CD47: variants seen among roughly 807,000 people sequenced by gnomAD.
The protein encoded by CD47 is leukocyte surface antigen CD47.
A neutral mutation model predicts 44.6 loss-of-function variants in CD47; 11 were observed. The observed-to-expected ratio is 0.25, with a 90% confidence interval of 0.16 to 0.41. CD47 has a LOEUF of 0.41. Among genes scored for constraint, CD47 ranks in the 10% least tolerant of loss-of-function variants. The pLI is 1.00. For missense variants in CD47, 306 were observed against 386.7 expected, an observed-to-expected ratio of 0.79 and a Z score of 1.75; for synonymous variants, 140 against 136.3, an observed-to-expected ratio of 1.03 and a Z score of -0.19.
intron 1 of CD47, among the ~76,000 whole-genome samples, chr3:108,083,556 A>G (rs1206080037): frequency 6.6e-6 from 1 of 152,044 alleles, no homozygotes. Flanking sequence ...CAAGGTTACA[A>G]GTGTTATCTT....
Position 108,052,088 on chromosome 3 carries a change from T to G in CD47, c.878-118A>C, listed in dbSNP as rs893825228. On this transcript the variant is annotated intron_variant, in intron 7 of 10. Transcript: ENST00000361309. ...CTAAAACTAAAGGTGCCAGAGATGT[T>G]AATGAAAGAGTTCCAGCTCTGACAG... 2.3e-5 allele frequency: 13 copies of G among 569,814 alleles called. No homozygotes were observed. The African/African-American group carries it at 2.5e-4, about 11-fold the overall frequency. The allele number at this position is 569,814 out of a possible 1,614,324, so 35.3% of individuals were successfully genotyped here.
chr3:108,079,567 T>TAAAA lies in CD47; in HGVS notation c.400+420_400+423dup, dbSNP rs71629342. ...TCATCCCTTGGTCAAAGTGTAAGGT[T>TAAAA]AAAAAAAAAAAAAAAAAAAAAAAAA... is the stretch of plus-strand genomic sequence containing the variant. On this transcript the variant is annotated intron_variant, in intron 2 of 10. Transcript: ENST00000361309. 0.026 allele frequency among the ~76,000 whole-genome samples: 1,386 copies of TAAAA among 52,952 alleles called. 168 individuals carry two copies. The East Asian group carries it at 0.3, about 12-fold the overall frequency. 34.7% of individuals were successfully genotyped at this position (52,952 alleles called of 152,430 possible).
intron 2 of CD47, among the ~76,000 whole-genome samples, chr3:108,074,229 C>T (rs1230732604): frequency 1.3e-5 from 2 of 152,138 alleles, no homozygotes; most frequent in Non-Finnish European, 2.9e-5. Context: ...CTTGATGACT[C>T]CCAGATTCTA....
At chr3:108,083,971 C>T (rs2079467952) in intron 1 of CD47, among the ~76,000 whole-genome samples, 1 of 151,578 alleles carries the variant, frequency 6.6e-6, no homozygotes, top group Admixed American at 6.6e-5. Context: ...TGCCTCCATA[C>T]CCATCAGTCT....
At chr3:108,073,218 T>A (rs1322211401) in intron 2 of CD47, among the ~76,000 whole-genome samples, 6 of 151,992 alleles carry the variant, frequency 3.9e-5, no homozygotes, top group Admixed American at 2.0e-4. Flanking sequence ...GTTCTTTCAT[T>A]GGTCCCTGCC....
chr3:108,067,742 T>G (rs1420734153), intron 3 of CD47, among the ~76,000 whole-genome samples: 4 of 152,198 alleles, frequency 2.6e-5, no homozygotes, highest in Non-Finnish European at 5.9e-5. Flanking sequence ...TTAGGAACAT[T>G]TCCCTGTAAG....
At chr3:108,049,580 T>C in intron 10 of CD47, 39 bp downstream of exon 10, 2 of 1,309,064 alleles carry the variant, frequency 1.5e-6, no homozygotes, top group Non-Finnish European at 2.2e-6. Flanking sequence ...TGTCCATGTT[T>C]TAACTGATCT....
At chr3:108,059,829 T>C (rs2078979563) in intron 4 of CD47, among the ~76,000 whole-genome samples, 1 of 152,206 alleles carries the variant, frequency 6.6e-6, no homozygotes, top group African/African-American at 2.4e-5. Context: ...GTTCCCTTCA[T>C]CTGCTGTATT....
At chr3:108,050,453 A>G in intron 9 of CD47, 125 bp downstream of exon 9, 1 of 644,852 alleles carries the variant, frequency 1.6e-6, no homozygotes, top group East Asian at 3.1e-5. Flanking sequence ...AGAGATGCCA[A>G]GGAAAGAAAA....
Position 108,080,058 on chromosome 3 carries a change from G to A in CD47, c.333C>T (p.Asn111=). The A allele has an allele frequency of 6.2e-7, 1 of 1,612,992 alleles. No homozygotes were observed. Residue 111 remains asparagine (N), a synonymous_variant, in exon 2 of 11, where the codon AAC becomes AAT. Coordinates refer to ENST00000361309, the MANE Select transcript of CD47 (RefSeq NM_001777.4). The stretch of plus-strand genomic sequence containing the variant: ...TTAATTCTGTTACTTCACAAGTGTA[G>A]TTTCCTGTGTGTGAGACAGCATCAC... ...DKSDAVSHTG[N]YTCEVTELTR... is the part of the protein sequence containing the mutation.
chr3:108,069,087 T>C (rs2079151880), intron 3 of CD47, among the ~76,000 whole-genome samples: 1 of 152,238 alleles, frequency 6.6e-6, no homozygotes, highest in Non-Finnish European at 1.5e-5. Context: ...ATCAGAATTA[T>C]AACTGAGGTG....
At chr3:108,080,405 G>C in intron 1 of CD47, 61 bp from the exon 2 acceptor site, 1 of 834,824 alleles carries the variant, frequency 1.2e-6, no homozygotes. Flanking sequence ...AAGATCTTAG[G>C]CATGTTACAA....
chr3:108,087,117 T>C (rs1355415391), intron 1 of CD47, among the ~76,000 whole-genome samples: 1 of 152,108 alleles, frequency 6.6e-6, no homozygotes, highest in Non-Finnish European at 1.5e-5. Flanking sequence ...AGCAGCCTCT[T>C]AGGTAAAGAA....
In CD47 at chr3:108,071,188, G is replaced by A. The variant is rs540904464; in HGVS notation, c.401-6C>T. 5 of 1,345,830 alleles carry A rather than the reference G, an allele frequency of 3.7e-6. No individual in the cohort carries two copies. The African/African-American group carries it at 5.9e-5, about 16-fold the overall frequency. The allele number at this position is 1,345,830 out of a possible 1,614,324, so 83.4% of individuals were successfully genotyped here. A position where few individuals can be genotyped will look rare whatever the true frequency, so the allele number is the denominator to read the frequency against. ...ATTTGGAGAAAACCATGAAACTGGG[G>A]AAGAAGAAAACAAAAGTCACAATTA... On this transcript the variant is annotated splice_polypyrimidine_tract_variant and splice_region_variant and intron_variant, in intron 2 of 10. Transcript: ENST00000361309.
rs539753676 is a variant in CD47 at position 108,078,916 on chromosome 3, C to T, written c.400+1075G>A. On this transcript the variant is annotated intron_variant, in intron 2 of 10. Coordinates refer to ENST00000361309, the MANE Select transcript of CD47 (RefSeq NM_001777.4). ...CAAGTATCTATTGTCATCTCCATTTCGGACATGAGGTAACTTGGACTCGGT... is the reference window on the plus strand; with the variant it reads ...CAAGTATCTATTGTCATCTCCATTTTGGACATGAGGTAACTTGGACTCGGT... Among the ~76,000 whole-genome samples the T allele has an allele frequency of 4.6e-5, 7 of 152,158 alleles. No homozygotes were observed. In the East Asian group the frequency reaches 5.8e-4, roughly 13 times the overall value.
At chr3:108,066,809 CAGA>C (rs1442425209) in intron 3 of CD47, among the ~76,000 whole-genome samples, 1 of 152,016 alleles carries the variant, frequency 6.6e-6, no homozygotes, top group East Asian at 1.9e-4. Flanking sequence ...GAGATGAAGC[CAGA>C]AGAACTCAGC....
intron 3 of CD47, among the ~76,000 whole-genome samples, chr3:108,068,632 C>T (rs1055120767): frequency 3.3e-5 from 5 of 152,072 alleles, no homozygotes; most frequent in Non-Finnish European, 4.4e-5. Context: ...TGGGTGATTG[C>T]GGGCAAATTG....
chr3:108,074,719 G>A (rs1188967987), intron 2 of CD47, among the ~76,000 whole-genome samples: 7 of 131,226 alleles, frequency 5.3e-5, no homozygotes, highest in Admixed American at 4.7e-4. Flanking sequence ...GGTGGGGGGG[G>A]GGGGCACACA....
Position 108,060,809 on chromosome 3 carries a change from A to G in CD47, c.534T>C (p.Ala178=), listed in dbSNP as rs543290950. The G allele has an allele frequency of 2.5e-6, 4 of 1,613,654 alleles. No individual in the cohort carries two copies. The South Asian group carries it at 4.4e-5, about 18-fold the overall frequency. The change falls in exon 4 of 11, where the codon GCT becomes GCC. Residue 178 remains alanine, a synonymous_variant. Coordinates refer to ENST00000361309, the MANE Select transcript of CD47 (RefSeq NM_001777.4). ...TGATCACTAGTCCAGCAACAAGTAAAGCAATTGTTTTCTCATCCATACCAC... is the reference window on the plus strand; with the variant it reads ...TGATCACTAGTCCAGCAACAAGTAAGGCAATTGTTTTCTCATCCATACCAC... ...RSGGMDEKTI[A]LLVAGLVITV...
Sources: allele counts gnomAD v4.1 joint callset (sites outside exome capture counted in the v4.1 genomes callset), GRCh38; gene constraint gnomAD v4.1.1; transcripts MANE v1.5; gene names NCBI Gene and HGNC (gene_info 2026-07-23, HGNC 2026-07-21).